Variants in MRTFA observed in about 807,000 individuals in gnomAD.
The protein encoded by MRTFA is myocardin related transcription factor A.
MRTFA carries 20 observed loss-of-function variants against 83.5 expected under a neutral mutation model. The ratio of observed to expected loss-of-function variants is 0.24; its 90% CI spans 0.17 to 0.35. MRTFA has a LOEUF of 0.35. MRTFA is among the 10% of genes least tolerant of loss of function. The probability of loss-of-function intolerance (pLI) is 1.00; values close to 1 mark genes in which losing one functional copy is unlikely to be tolerated. For missense variants in MRTFA, 1,200 were observed against 1,224.7 expected, an observed-to-expected ratio of 0.98 and a Z score of 0.30; for synonymous variants, 659 against 541.2, an observed-to-expected ratio of 1.22 and a Z score of -3.02.
chr22:40,457,482 GAAA>G (rs2053614123), intron 4 of MRTFA, among the ~76,000 whole-genome samples: 3 of 133,660 alleles, frequency 2.2e-5, no homozygotes, highest in Admixed American at 7.5e-5. Flanking sequence ...AAGAAAGAAA[GAAA>G]GAAGGAAAGA....
intron 2 of MRTFA, among the ~76,000 whole-genome samples, chr22:40,553,304 CA>C (rs1450107826): frequency 6.6e-6 from 1 of 152,192 alleles, no homozygotes; most frequent in Non-Finnish European, 1.5e-5. Context: ...CATTAATCAC[CA>C]AGACAATGGG....
intron 1 of MRTFA, among the ~76,000 whole-genome samples, chr22:40,611,449 T>TA (rs1202796958): frequency 2.0e-5 from 3 of 151,948 alleles, no homozygotes; most frequent in African/African-American, 7.3e-5. Flanking sequence ...CTTACTGTGT[T>TA]GCCCAGGCTG....
intron 1 of MRTFA, among the ~76,000 whole-genome samples, chr22:40,625,320 A>T (rs1286424892): frequency 6.6e-6 from 1 of 151,964 alleles, no homozygotes; most frequent in Non-Finnish European, 1.5e-5. Flanking sequence ...GTCCCTAAAA[A>T]AAAAATAAAA....
chr22:40,462,235 C>G (rs2053727689), intron 4 of MRTFA, among the ~76,000 whole-genome samples: 1 of 152,208 alleles, frequency 6.6e-6, no homozygotes, highest in Non-Finnish European at 1.5e-5. Context: ...TTCTTGTCTA[C>G]TACTAGTCTT....
chr22:40,611,923 A>G (rs1201625040), intron 1 of MRTFA, among the ~76,000 whole-genome samples: 3 of 152,232 alleles, frequency 2.0e-5, no homozygotes, highest in African/African-American at 7.2e-5. Flanking sequence ...TTCTATAGCT[A>G]TACCAGAATA....
intron 3 of MRTFA, among the ~76,000 whole-genome samples, chr22:40,471,101 G>T (rs2053903019): frequency 6.6e-6 from 1 of 151,410 alleles, no homozygotes; most frequent in African/African-American, 2.4e-5. Flanking sequence ...GCAAAAGGAG[G>T]CCGGGTGTGG....
intron 14 of MRTFA, 147 bp from the exon 15 acceptor site, chr22:40,412,054 ATAAAACTCTT>A (rs1275629889): frequency 8.6e-6 from 5 of 580,858 alleles, no homozygotes; most frequent in Non-Finnish European, 1.3e-5. Context: ...AGCTAAGACT[ATAAAACTCTT>A]TAAAAATATT....
intron 3 of MRTFA, among the ~76,000 whole-genome samples, chr22:40,486,548 CA>C (rs1451920938): frequency 8.5e-5 from 13 of 152,090 alleles, no homozygotes; most frequent in Admixed American, 8.5e-4. Flanking sequence ...TTTCTAACCA[CA>C]AATCTGGCAG....
Position 40,429,760 on chromosome 22 carries a change from C to T in MRTFA, c.447G>A (p.Ser149=), listed in dbSNP as rs868058403. The T allele has an allele frequency of 3.1e-6, 5 of 1,611,670 alleles. No homozygotes were observed. Among genetic ancestry groups the T allele is most frequent in the Middle Eastern group, 1.7e-4 (1 of 6,026 alleles). Residue 149 remains serine (S), a synonymous_variant, in exon 7 of 15, where the codon TCG becomes TCA. Transcript: ENST00000355630. ...GCTTGGCCTGGAGGGATGGCTCAGC[C>T]GAGGTCTCTGCCCATGGGAGAGAAA...
At chr22:40,444,235 GA>G (rs989105610) in intron 4 of MRTFA, among the ~76,000 whole-genome samples, 6 of 152,092 alleles carry the variant, frequency 3.9e-5, no homozygotes, top group African/African-American at 7.2e-5. Flanking sequence ...ATACAGAATA[GA>G]AATACCTAAT....
rs536348096 is a variant in MRTFA at position 40,599,920 on chromosome 22, G to A, written c.-83-5185C>T. On this transcript the variant is annotated intron_variant, in intron 1 of 14. Coordinates refer to ENST00000355630, the MANE Select transcript of MRTFA (RefSeq NM_020831.6). ...TGTGTCTTTAAAAAAAAAAAAAGAA[G>A]TGAAGGGAAAGGAACAAAAATGGAA... 8.3e-5 allele frequency among the ~76,000 whole-genome samples: 12 copies of A among 145,244 alleles called. No homozygotes were observed. The East Asian group carries it at 2.2e-3, about 27-fold the overall frequency.
intron 1 of MRTFA, among the ~76,000 whole-genome samples, chr22:40,632,852 A>C (rs191806074): frequency 1.1e-3 from 161 of 152,338 alleles, no homozygotes; most frequent in African/African-American, 3.7e-3. Context: ...CTAACTTTCG[A>C]GGTAATCTGT....
At chr22:40,572,520 A>C (rs1453009576) in intron 2 of MRTFA, among the ~76,000 whole-genome samples, 1 of 152,088 alleles carries the variant, frequency 6.6e-6, no homozygotes, top group Non-Finnish European at 1.5e-5. Context: ...CCTGAAATGG[A>C]TTAACTGTGT....
At chr22:40,507,189 A>G (rs1052302051) in intron 3 of MRTFA, among the ~76,000 whole-genome samples, 2 of 152,076 alleles carry the variant, frequency 1.3e-5, no homozygotes, top group African/African-American at 4.8e-5. Context: ...GCAAAACCCC[A>G]TCTCTACAAA....
At chr22:40,453,973 C>G (rs1051272028) in intron 4 of MRTFA, among the ~76,000 whole-genome samples, 1 of 152,150 alleles carries the variant, frequency 6.6e-6, no homozygotes, top group African/African-American at 2.4e-5. Flanking sequence ...AATGATAGTC[C>G]TGCTAATATA....
At chr22:40,618,742 T>C (rs1003320353) in intron 1 of MRTFA, among the ~76,000 whole-genome samples, 1 of 152,054 alleles carries the variant, frequency 6.6e-6, no homozygotes, top group African/African-American at 2.4e-5. Flanking sequence ...GGCAGGCAGA[T>C]CACTTGAGGT....
At position 40,587,153 on chromosome 22, in the gene MRTFA, C is replaced by G. The variant is rs879745198; in HGVS notation, c.-22+7521G>C. 1.2e-4 allele frequency: 54 copies of G among 459,846 alleles called. 1 individual carries two copies. Among genetic ancestry groups the G allele is most frequent in the Middle Eastern group, 7.3e-4 (1 of 1,370 alleles). The allele number at this position is 459,846 out of a possible 1,614,324, so 28.5% of individuals were successfully genotyped here. A position where few individuals can be genotyped will look rare whatever the true frequency, so the allele number is the denominator to read the frequency against. On this transcript the variant is annotated intron_variant, in intron 2 of 14. Transcript: ENST00000355630. ...GGGCTTTTCAAGATTCTGCTAAGGT[C>G]TGTATTGATCATCTTGTGCATGCAA...
chr22:40,545,502 G>A (rs1170695260), intron 3 of MRTFA, among the ~76,000 whole-genome samples: 4 of 149,592 alleles, frequency 2.7e-5, no homozygotes, highest in Non-Finnish European at 4.4e-5. Context: ...GCTATCTCCC[G>A]GCTCACTGCA....
intron 4 of MRTFA, among the ~76,000 whole-genome samples, chr22:40,451,337 G>T (rs1382296358): frequency 6.6e-6 from 1 of 152,196 alleles, no homozygotes; most frequent in African/African-American, 2.4e-5. Flanking sequence ...CATTTGGGTG[G>T]CGGGGTGTGG....
Sources: gnomAD v4.1 joint callset for allele counts (sites outside exome capture counted in the v4.1 genomes callset) on GRCh38, gnomAD v4.1.1 for gene constraint, MANE v1.5 for transcripts, NCBI Gene and HGNC (gene_info 2026-07-23, HGNC 2026-07-21) for gene names.